TSHR: variants seen among roughly 807,000 people sequenced by gnomAD.
The protein encoded by TSHR is thyrotropin receptor.
In TSHR, 51 loss-of-function variants were observed where a neutral mutation model predicts 64.1. The ratio of observed to expected loss-of-function variants is 0.80; its 90% CI spans 0.64 to 1.01. The LOEUF is 1.01. TSHR is among the 50% of genes least tolerant of loss of function. The pLI, the probability that TSHR is intolerant of heterozygous loss-of-function variation, is 0.00. For synonymous variants in TSHR, 361 were observed against 361.9 expected (o/e 1.00, Z 0.03); for missense variants, 877 against 942.8 (o/e 0.93, Z 0.91).
At chr14:81,072,772 C>CG (rs1446916372) in intron 3 of TSHR, among the ~76,000 whole-genome samples, 2 of 148,590 alleles carry the variant, frequency 1.3e-5, no homozygotes, top group Non-Finnish European at 3.0e-5. Context: ...CCGAGGCGGG[C>CG]GGATCACGAG....
intron 3 of TSHR, among the ~76,000 whole-genome samples, chr14:81,084,381 A>G (rs145540663): frequency 6.6e-6 from 1 of 152,272 alleles, no homozygotes; most frequent in East Asian, 1.9e-4. Context: ...ATAAAATAAA[A>G]AGTGAAAATT....
At chr14:81,076,132 C>G (rs1271029779) in intron 3 of TSHR, among the ~76,000 whole-genome samples, 1 of 152,198 alleles carries the variant, frequency 6.6e-6, no homozygotes, top group African/African-American at 2.4e-5. Flanking sequence ...ACATCACACT[C>G]TGAAGACCAT....
chr14:81,032,721 C>A, intron 1 of TSHR: 1 of 430,846 alleles, frequency 2.3e-6, no homozygotes. Flanking sequence ...GCCTGCCCAT[C>A]ACCAGGTCAT....
intron 1 of TSHR, among the ~76,000 whole-genome samples, chr14:81,010,331 T>C (rs185080854): frequency 5.1e-4 from 78 of 152,218 alleles, no homozygotes; most frequent in Middle Eastern, 3.4e-3. Context: ...TTTAACTTTA[T>C]GTAATTTTTT....
At chr14:81,008,857 A>T (rs1889746773) in intron 1 of TSHR, among the ~76,000 whole-genome samples, 1 of 152,178 alleles carries the variant, frequency 6.6e-6, no homozygotes, top group African/African-American at 2.4e-5. Context: ...CTTTTTAATG[A>T]TTATAAAAGC....
rs79880793 is a variant in TSHR, at chr14:81,122,281, G to A, written c.692+13829G>A. Among the ~76,000 whole-genome samples the A allele has an allele frequency of 0.011, 1,710 of 151,654 alleles. 106 individuals carry two copies. In the East Asian group the frequency reaches 0.19, roughly 17 times the overall value. ...TGGTCTCGAACTCTTGACCTCAGGC[G>A]ATCCACCTGCCTAGGCCTACCAAAG... On this transcript the variant is annotated intron_variant, in intron 8 of 9. Transcript: ENST00000298171.
chr14:81,107,319 C>G (rs1427492669), intron 7 of TSHR, among the ~76,000 whole-genome samples: 1 of 152,142 alleles, frequency 6.6e-6, no homozygotes, highest in African/African-American at 2.4e-5. Context: ...TTCTGAGGGT[C>G]TCTGCTATAT....
intron 1 of TSHR, chr14:81,001,119 A>AT (rs967553833): frequency 1.9e-4 from 31 of 163,542 alleles, no homozygotes; most frequent in East Asian, 5.6e-4. Context: ...ACTAACTTTT[A>AT]TTTTTTTTTA....
At chr14:81,020,599 G>A (rs1413464389) in intron 1 of TSHR, among the ~76,000 whole-genome samples, 1 of 152,208 alleles carries the variant, frequency 6.6e-6, no homozygotes, top group Non-Finnish European at 1.5e-5. Flanking sequence ...GCAAATACAG[G>A]TTAACATCAG....
intron 1 of TSHR, among the ~76,000 whole-genome samples, chr14:81,039,292 C>G (rs939497198): frequency 6.6e-6 from 1 of 151,892 alleles, no homozygotes; most frequent in Non-Finnish European, 1.5e-5. Context: ...TTTAAAATTC[C>G]TTCAGGATAA....
chr14:81,074,483 G>A lies in TSHR; in HGVS notation c.317+6155G>A, dbSNP rs527499970. On this transcript the variant is annotated intron_variant, in intron 3 of 9. Transcript: ENST00000298171. ...TCAAGGAATTGAGAATGGTTTTGTG[G>A]GTATAAGGCATGAAACTGAGTATCG... Among the ~76,000 whole-genome samples, 435 of 152,142 alleles carry A rather than the reference G, an allele frequency of 2.9e-3. 3 individuals carry two copies. The highest frequency in any genetic ancestry group is 5.1e-3 in the Non-Finnish European group (345 of 67,980).
chr14:81,037,074 C>T (rs983083899), intron 1 of TSHR, among the ~76,000 whole-genome samples: 2 of 151,528 alleles, frequency 1.3e-5, no homozygotes, highest in Admixed American at 6.6e-5. Context: ...ACCCGGGAGA[C>T]GAGGTTGCAG....
At chr14:81,025,352 AAT>A (rs1566768809) in intron 1 of TSHR, among the ~76,000 whole-genome samples, 3 of 152,210 alleles carry the variant, frequency 2.0e-5, no homozygotes, top group Non-Finnish European at 1.5e-5. Flanking sequence ...AAAAGGATTC[AAT>A]ATGTTTATTT....
At chr14:81,015,270 A>G (rs1210780386) in intron 1 of TSHR, among the ~76,000 whole-genome samples, 1 of 152,162 alleles carries the variant, frequency 6.6e-6, no homozygotes, top group Non-Finnish European at 1.5e-5. Flanking sequence ...AAGGCTGACA[A>G]AGAAGTTGGC....
chr14:81,074,314 A>G (rs2139928948), intron 3 of TSHR, among the ~76,000 whole-genome samples: 1 of 152,318 alleles, frequency 6.6e-6, no homozygotes, highest in Non-Finnish European at 1.5e-5. Context: ...TTTGGTCAGC[A>G]GAAAAGATTA....
intron 4 of TSHR, among the ~76,000 whole-genome samples, chr14:81,090,085 C>T (rs1368886586): frequency 6.6e-6 from 1 of 151,250 alleles, no homozygotes; most frequent in Non-Finnish European, 1.5e-5. Flanking sequence ...CAAGTAGCTG[C>T]AACAAATGTT....
Position 81,024,438 on chromosome 14 carries a change from A to C in TSHR, c.171-37710A>C, listed in dbSNP as rs549656185. On this transcript the variant is annotated intron_variant, in intron 1 of 9. Transcript: ENST00000298171. The stretch of plus-strand genomic sequence containing the variant: ...TAATTTTTTGTATTTTAGTAGAGAC[A>C]GGGTTTCACCATTTTGGCCAGGATG... Among the ~76,000 whole-genome samples, 56 of 151,960 alleles carry C rather than the reference A, an allele frequency of 3.7e-4. 1 individual carries two copies. The highest frequency in any genetic ancestry group is 1.3e-4 in the Non-Finnish European group (9 of 67,990).
chr14:80,976,784 C>T (rs968255940), intron 1 of TSHR, among the ~76,000 whole-genome samples: 1 of 152,198 alleles, frequency 6.6e-6, no homozygotes, highest in African/African-American at 2.4e-5. Context: ...TCCACAGAGC[C>T]TAGTATTATA....
At chr14:80,968,335 T>C (rs1176972859) in intron 1 of TSHR, among the ~76,000 whole-genome samples, 1 of 151,790 alleles carries the variant, frequency 6.6e-6, no homozygotes. Context: ...GCTCCCATAA[T>C]AAAATATAGG....
Sources: allele counts gnomAD v4.1 joint callset (sites outside exome capture counted in the v4.1 genomes callset), GRCh38; gene constraint gnomAD v4.1.1; transcripts MANE v1.5; gene names NCBI Gene and HGNC (gene_info 2026-07-23, HGNC 2026-07-21).